FAM81A: variants seen among roughly 807,000 people sequenced by gnomAD.
The protein encoded by FAM81A is protein FAM81A.
FAM81A carries 19 observed loss-of-function variants against 46.7 expected under a neutral mutation model. That is an observed-to-expected ratio of 0.41 (90% CI 0.28 to 0.60). The LOEUF (loss-of-function observed/expected upper bound fraction) is 0.60, where lower values mean the gene tolerates loss of function less well. FAM81A is among the 20% of genes least tolerant of loss of function. FAM81A has a pLI of 0.34. For synonymous variants in FAM81A, 183 were observed against 152.9 expected (o/e 1.20, Z -1.45); for missense variants, 377 against 453.5 (o/e 0.83, Z 1.53).
Position 59,457,373 on chromosome 15 carries a change from T to C in FAM81A, c.-77-1177T>C, listed in dbSNP as rs185751910. Reference sequence around the variant, plus strand: ...GTTATCAGATTGACTGTTGGGGTATTGCAGTGCTTGTGACCAAGTAACCCT... The same window carrying C: ...GTTATCAGATTGACTGTTGGGGTATCGCAGTGCTTGTGACCAAGTAACCCT... On this transcript the variant is annotated intron_variant, in intron 1 of 8. Transcript: ENST00000288228. Among the ~76,000 whole-genome samples the C allele has an allele frequency of 2.4e-3, 364 of 152,338 alleles. 2 individuals are homozygous for C. The highest frequency in any genetic ancestry group is 8.6e-3 in the African/African-American group (357 of 41,582).
At chr15:59,448,296 G>C (rs1322519833) in intron 1 of FAM81A, among the ~76,000 whole-genome samples, 5 of 152,196 alleles carry the variant, frequency 3.3e-5, no homozygotes, top group Non-Finnish European at 7.3e-5. Context: ...AGAATCACTT[G>C]AACCCGGGAG....
intron 2 of FAM81A, among the ~76,000 whole-genome samples, chr15:59,421,549 G>A (rs1366384206): frequency 6.6e-6 from 1 of 152,136 alleles, no homozygotes; most frequent in African/African-American, 2.4e-5. Flanking sequence ...TAAAATGTCA[G>A]TCTAAATCCT....
chr15:59,489,057 A>G (rs1259109723), intron 3 of FAM81A, among the ~76,000 whole-genome samples: 1 of 152,094 alleles, frequency 6.6e-6, no homozygotes, highest in Non-Finnish European at 1.5e-5. Context: ...CGAGGTCAGG[A>G]GATCGAGACC....
chr15:59,438,384 T>C (rs2141575242), intron 1 of FAM81A, 102 bp downstream of exon 1: 1 of 152,204 alleles, frequency 6.6e-6, no homozygotes, highest in South Asian at 2.1e-4. Context: ...TCTCAGGAGA[T>C]AGGCGTGGGG....
Position 59,508,986 on chromosome 15 carries a change from T to A in FAM81A, c.650+17T>A. The A allele has an allele frequency of 6.3e-7, 1 of 1,586,934 alleles. No individual in the cohort carries two copies. ...GGACACTAAGTAAGCAATCAATTTATTAAAAAAATAAAACTTAAAGTTCTT... is the reference window on the plus strand; with the variant it reads ...GGACACTAAGTAAGCAATCAATTTAATAAAAAAATAAAACTTAAAGTTCTT... On this transcript the variant is annotated intron_variant, in intron 6 of 8. Coordinates refer to ENST00000288228, the MANE Select transcript of FAM81A (RefSeq NM_152450.3).
intron 3 of FAM81A, among the ~76,000 whole-genome samples, chr15:59,467,014 T>C (rs2081622360): frequency 6.6e-6 from 1 of 152,168 alleles, no homozygotes. Context: ...ATCAGATGGT[T>C]GTAGATGTGT....
rs2081540295 is a variant in FAM81A at position 59,460,587 on chromosome 15, T to A, written c.294+381T>A. 2.9e-6 allele frequency: 1 copy of A among 349,512 alleles called. No individual in the cohort carries two copies. The highest frequency in any genetic ancestry group is 5.5e-6 in the Non-Finnish European group (1 of 180,968). The allele number at this position is 349,512 out of a possible 1,614,324, so 21.7% of individuals were successfully genotyped here. On this transcript the variant is annotated intron_variant, in intron 3 of 8. Coordinates refer to ENST00000288228, the MANE Select transcript of FAM81A (RefSeq NM_152450.3). The surrounding 1 kb of genome is among the most constrained non-coding windows in gnomAD (Gnocchi z 4.4). ...AAGGTCAGACTCTGTTGCTTCAGAT[T>A]AAATGTTTCTAGGTCATAATGATTA...
chr15:59,414,821 C>CT (rs1215857620), intron 2 of FAM81A, among the ~76,000 whole-genome samples: 407 of 146,980 alleles, frequency 2.8e-3, no homozygotes, highest in African/African-American at 8.6e-3. Context: ...AAGGAAAAAA[C>CT]TTTTTTTTTT....
At position 59,504,920 on chromosome 15, in the gene FAM81A, C is replaced by T. The variant is rs149463673; in HGVS notation, c.414-2293C>T. Among the ~76,000 whole-genome samples, 764 of 152,242 alleles carry T rather than the reference C, an allele frequency of 5.0e-3. 4 individuals carry two copies. The highest frequency in any genetic ancestry group is 0.017 in the African/African-American group (727 of 41,566). ...TTATCATTGGTTATCTGAATTTCCC[C>T]ATGCTTTATGTATTTTTACTTATCC... On this transcript the variant is annotated intron_variant, in intron 4 of 8. Coordinates refer to ENST00000288228, the MANE Select transcript of FAM81A (RefSeq NM_152450.3).
upstream of FAM81A, among the ~76,000 whole-genome samples, chr15:59,433,821 G>A (rs2081231626): frequency 1.3e-5 from 2 of 152,118 alleles, no homozygotes. Context: ...TTCAATGTAA[G>A]ATTTCTCTTA....
intron 8 of FAM81A, among the ~76,000 whole-genome samples, chr15:59,519,314 G>T (rs1439049348): frequency 1.3e-5 from 2 of 151,736 alleles, no homozygotes; most frequent in East Asian, 3.9e-4. Flanking sequence ...TCAGCCCCGC[G>T]GGTAGCTGGG....
At chr15:59,458,495 AG>A in intron 1 of FAM81A, 54 bp from the exon 2 acceptor site, 2 of 1,242,636 alleles carry the variant, frequency 1.6e-6, no homozygotes, top group South Asian at 2.7e-5. Flanking sequence ...TAAGCTTTTG[AG>A]GTTAAGTTCT....
At chr15:59,399,468 A>G (rs1385766104) in intron 1 of FAM81A, among the ~76,000 whole-genome samples, 1 of 152,128 alleles carries the variant, frequency 6.6e-6, no homozygotes, top group African/African-American at 2.4e-5. Flanking sequence ...TCTGCCACAA[A>G]CATTGAACCC....
At chr15:59,466,390 T>C (rs1242864788) in intron 3 of FAM81A, among the ~76,000 whole-genome samples, 2 of 151,964 alleles carry the variant, frequency 1.3e-5, no homozygotes, top group African/African-American at 4.9e-5. Context: ...TTTTTAATGA[T>C]TGCCATTCTA....
chr15:59,444,756 GTTTTA>G (rs2081336971), intron 1 of FAM81A, among the ~76,000 whole-genome samples: 1 of 152,058 alleles, frequency 6.6e-6, no homozygotes, highest in Non-Finnish European at 1.5e-5. Flanking sequence ...CCTATTGACT[GTTTTA>G]TTTTATTTTT....
chr15:59,464,359 G>A (rs2081587669), intron 3 of FAM81A, among the ~76,000 whole-genome samples: 1 of 152,134 alleles, frequency 6.6e-6, no homozygotes, highest in South Asian at 2.1e-4. Flanking sequence ...GGATCATATG[G>A]TAGTTCTATT....
intron 2 of FAM81A, among the ~76,000 whole-genome samples, chr15:59,422,933 TA>T (rs1192384131): frequency 6.6e-6 from 1 of 152,238 alleles, no homozygotes; most frequent in Non-Finnish European, 1.5e-5. Context: ...ACTGTATGAA[TA>T]TTTTTTCACT....
chr15:59,488,821 A>G (rs887632259), intron 3 of FAM81A, among the ~76,000 whole-genome samples: 8 of 152,022 alleles, frequency 5.3e-5, no homozygotes, highest in African/African-American at 1.9e-4. Context: ...TACCAAAAAT[A>G]CGATAAAATA....
intron 4 of FAM81A, among the ~76,000 whole-genome samples, chr15:59,501,063 T>C (rs2082085997): frequency 6.6e-6 from 1 of 152,194 alleles, no homozygotes; most frequent in Non-Finnish European, 1.5e-5. Context: ...CACATTTTCC[T>C]GGCCATTTTA....
Sources: gnomAD v4.1 joint callset for allele counts (sites outside exome capture counted in the v4.1 genomes callset) on GRCh38, gnomAD v4.1.1 for gene constraint, Gnocchi (gnomAD v3.1) non-coding constraint, MANE v1.5 for transcripts, NCBI Gene and HGNC (gene_info 2026-07-23, HGNC 2026-07-21) for gene names.